Variants in PDK2 observed in about 807,000 individuals in gnomAD.
The protein encoded by PDK2 is pyruvate dehydrogenase kinase 2, also known as pyruvate dehydrogenase kinase, isozyme 2.
In PDK2, 34 loss-of-function variants were observed where a neutral mutation model predicts 50.4. The ratio of observed to expected loss-of-function variants is 0.68; its 90% confidence interval spans 0.51 to 0.90. PDK2 has a LOEUF of 0.90. Ranked by LOEUF, PDK2 falls within the 40% of genes least tolerant of loss-of-function variation. The probability of loss-of-function intolerance (pLI) is 0.00; values close to 1 mark genes in which losing one functional copy is unlikely to be tolerated. For synonymous variants in PDK2, 232 were observed against 216.0 expected (o/e 1.07, Z -0.65); for missense variants, 377 against 544.5 (o/e 0.69, Z 3.06).
rs138188332 is a variant in PDK2, at chr17:50,105,979, G to A, written c.427G>A (p.Asp143Asn). The A allele has an allele frequency of 4.3e-5, 70 of 1,612,076 alleles. No homozygotes were observed. In the African/African-American group the frequency reaches 7.6e-4, roughly 18 times the overall value. Residue 143 changes from aspartate (D) to asparagine (N), a missense_variant, in exon 4 of 11, where the codon GAT (aspartate) becomes AAT (asparagine). By Grantham distance (23) the Asp-to-Asn change is conservative (BLOSUM62 1). Transcript: ENST00000503176. ...GVLEYKDTYG[D>N]DPVSNQNIQY... ...GCTTGAGTACAAGGACACCTACGGC[G>A]ATGACCCCGTCTCCAACCAGAACAT...
chr17:50,100,274 T>C (rs1212030348), intron 2 of PDK2, among the ~76,000 whole-genome samples: 2 of 152,122 alleles, frequency 1.3e-5, no homozygotes, highest in African/African-American at 4.8e-5. Context: ...GAATTCCTGG[T>C]TCTAAATAAA....
rs558437082 is a variant in PDK2, at chr17:50,103,060, T to C, written c.261-2311T>C. The stretch of plus-strand genomic sequence containing the variant: ...GGCTGTTGGCAGATGAGAGACCCTG[T>C]GTGGGACTCGGCACAAGTGGGTGTT... On this transcript the variant is annotated intron_variant, in intron 2 of 10. Coordinates refer to ENST00000503176, the MANE Select transcript of PDK2 (RefSeq NM_002611.5). Among the ~76,000 whole-genome samples, 3 of 152,332 alleles carry C rather than the reference T, an allele frequency of 2.0e-5. No individual in the cohort carries two copies. In the South Asian group the frequency reaches 6.2e-4, roughly 32 times the overall value.
intron 8 of PDK2, 84 bp from the exon 9 acceptor site, chr17:50,108,528 G>A (rs973334313): frequency 1.3e-5 from 16 of 1,243,532 alleles, no homozygotes; most frequent in Non-Finnish European, 5.7e-6. Context: ...TGGGGGTGGG[G>A]AAGACCATGA....
At chr17:50,107,348 A>T (rs1167686667) in intron 6 of PDK2, among the ~76,000 whole-genome samples, 195 bp downstream of exon 6, 3 of 152,198 alleles carry the variant, frequency 2.0e-5, no homozygotes, top group Non-Finnish European at 4.4e-5. Flanking sequence ...TGGGAAGCTA[A>T]GGCAGGCCAA....
rs1478133494 is a variant in PDK2 at position 50,107,884 on chromosome 17, C to G, written c.686-272C>G. On this transcript the variant is annotated intron_variant, in intron 6 of 10. Coordinates refer to ENST00000503176, the MANE Select transcript of PDK2 (RefSeq NM_002611.5). The stretch of plus-strand genomic sequence containing the variant: ...AGGGAGGTTTCCCTCTCGCCAGCCC[C>G]TTGCTGGACAGGTCAGGGCTGGCTC... The G allele has an allele frequency of 1.2e-5, 6 of 491,224 alleles. No individual in the cohort carries two copies. The South Asian group carries it at 1.4e-4, about 12-fold the overall frequency. 30.4% of individuals were successfully genotyped at this position (491,224 alleles called of 1,614,324 possible). A position where few individuals can be genotyped will look rare whatever the true frequency, so the allele number is the denominator to read the frequency against.
intron 2 of PDK2, 153 bp downstream of exon 2, chr17:50,097,717 C>T (rs898581629): frequency 1.6e-5 from 13 of 799,314 alleles, no homozygotes; most frequent in Non-Finnish European, 2.3e-5. Flanking sequence ...TGCCTAGGGT[C>T]ACGTGGGAAT....
chr17:50,109,094 G>A lies in PDK2; in HGVS notation c.970-193G>A, dbSNP rs114034901. On this transcript the variant is annotated intron_variant, in intron 9 of 10. Coordinates refer to ENST00000503176, the MANE Select transcript of PDK2 (RefSeq NM_002611.5). The surrounding 1 kb of genome is among the most constrained non-coding windows in gnomAD (Gnocchi z 5.0). ...CTCTCTCTGCCCAAGCCTCCCTCCC[G>A]CATTCATGATTGCCCCATTCACCCC... is the stretch of plus-strand genomic sequence containing the variant. 6.2e-3 allele frequency among the ~76,000 whole-genome samples: 942 copies of A among 151,936 alleles called. 13 individuals carry two copies. The highest frequency in any genetic ancestry group is 0.021 in the African/African-American group (870 of 41,408).
rs964239476 is a variant in PDK2, at chr17:50,108,417, G to A, written c.861G>A (p.Lys287=). The A allele has an allele frequency of 1.2e-6, 2 of 1,610,762 alleles. No individual in the cohort carries two copies. ...VALGEEDLSI[K]MSDRGGGVPL... ...TGGGTGAGGAAGATCTGTCCATCAA[G>A]GTATGTGACCCTTTGACCTTGGGGA... is the stretch of plus-strand genomic sequence containing the variant. The change falls in exon 8 of 11, where the codon AAG becomes AAA. Residue 287 remains lysine (K), a splice_region_variant and synonymous_variant. Coordinates refer to ENST00000503176, the MANE Select transcript of PDK2 (RefSeq NM_002611.5).
chr17:50,105,717 G>T (rs1910471244), intron 3 of PDK2, among the ~76,000 whole-genome samples, 168 bp from the exon 4 acceptor site: 1 of 152,226 alleles, frequency 6.6e-6, no homozygotes, highest in African/African-American at 2.4e-5. Flanking sequence ...TGGGAAGCCT[G>T]CCGGCAGGCA....
At chr17:50,105,317 A>ATCTC in intron 2 of PDK2, 54 bp from the exon 3 acceptor site, 2 of 1,370,870 alleles carry the variant, frequency 1.5e-6, no homozygotes, top group Admixed American at 2.2e-5. Flanking sequence ...GAAGTGGGTG[A>ATCTC]GGAGGGGCTA....
Position 50,095,411 on chromosome 17 carries a change from A to T in PDK2, c.-25A>T. On this transcript the variant is annotated 5_prime_UTR_variant, in exon 1 of 11. Transcript: ENST00000503176. ...CGAGCGCTGCCCGCGCGGGGACCAC[A>T]ACCAAAGTCGCGGCCGCCGCAGCCA... The T allele has an allele frequency of 6.4e-7, 1 of 1,560,480 alleles. No homozygotes were observed. The highest frequency in any genetic ancestry group is 1.1e-5 in the South Asian group (1 of 88,138).
In PDK2 at chr17:50,106,774, T is replaced by TCCTC; in HGVS notation, c.518-16_518-13dup. 1 of 1,608,680 alleles carries TCCTC rather than the reference T, an allele frequency of 6.2e-7. No individual in the cohort carries two copies. On this transcript the variant is annotated intron_variant, in intron 4 of 10. Coordinates refer to ENST00000503176, the MANE Select transcript of PDK2 (RefSeq NM_002611.5). The stretch of plus-strand genomic sequence containing the variant: ...ACAGACTGCAGCCCAGCCAACAGCA[T>TCCTC]CCTCCCTTCCTGCCTGCAGCCCTCA...
chr17:50,104,872 G>A (rs1054627318), intron 2 of PDK2, among the ~76,000 whole-genome samples: 3 of 152,188 alleles, frequency 2.0e-5, no homozygotes, highest in African/African-American at 4.8e-5. Flanking sequence ...CTCCTCTGCC[G>A]GGGGTCACTC....
At chr17:50,100,681 C>T (rs901639146) in intron 2 of PDK2, 4 of 152,226 alleles carry the variant, frequency 2.6e-5, no homozygotes, top group Non-Finnish European at 2.9e-5. Context: ...TAAGTGTCTA[C>T]GCGTATTAAC....
Position 50,108,730 on chromosome 17 carries a change from T to G in PDK2, c.969+11T>G. 6.4e-7 allele frequency: 1 copy of G among 1,555,960 alleles called. No individual in the cohort carries two copies. The highest frequency in any genetic ancestry group is 1.1e-5 in the South Asian group (1 of 88,212). On this transcript the variant is annotated intron_variant, in intron 9 of 10. Transcript: ENST00000503176. The stretch of plus-strand genomic sequence containing the variant: ...GGGGGAACGCCGCTGGTGAGATGGC[T>G]TCACCCCAGCCCCTCCCACCTCCTG...
chr17:50,097,780 C>A, intron 2 of PDK2: 1 of 516,076 alleles, frequency 1.9e-6, no homozygotes, highest in Non-Finnish European at 3.5e-6. Flanking sequence ...GTCTAGCCCT[C>A]TTCTTACCAC....
chr17:50,108,583 G>T, intron 8 of PDK2, 29 bp from the exon 9 acceptor site: 2 of 1,563,136 alleles, frequency 1.3e-6, no homozygotes, highest in Non-Finnish European at 1.8e-6. Flanking sequence ...GAGCTGTAAA[G>T]AATCCCTGAC....
chr17:50,097,345 G>A (rs1218640860), intron 1 of PDK2, 78 bp from the exon 2 acceptor site: 3 of 1,489,648 alleles, frequency 2.0e-6, no homozygotes, highest in Non-Finnish European at 2.7e-6. Context: ...TTAATGAAGG[G>A]TTTAGCTGAC....
chr17:50,110,040 C>T lies in PDK2; in HGVS notation c.1167C>T (p.Gly389=), dbSNP rs1224917871. 10 of 1,610,582 alleles carry T rather than the reference C, an allele frequency of 6.2e-6. No individual in the cohort carries two copies. The highest frequency in any genetic ancestry group is 1.3e-5 in the African/African-American group (1 of 74,884). The change falls in exon 11 of 11, where the codon GGC becomes GGT. Residue 389 remains glycine, a synonymous_variant. Coordinates refer to ENST00000503176, the MANE Select transcript of PDK2 (RefSeq NM_002611.5). ...WRHYQTIQEA[G]DWCVPSTEPK... is the part of the protein sequence containing the mutation. ...ACTACCAGACCATCCAGGAGGCCGG[C>T]GACTGGTGTGTGCCCAGCACGGAGC...
Sources: gnomAD v4.1 joint callset for allele counts (sites outside exome capture counted in the v4.1 genomes callset) on GRCh38, gnomAD v4.1.1 for gene constraint, Gnocchi (gnomAD v3.1) non-coding constraint, MANE v1.5 for transcripts, NCBI Gene and HGNC (gene_info 2026-07-23, HGNC 2026-07-21) for gene names.